NHSL2: variants seen among roughly 807,000 people sequenced by gnomAD.
NHSL2 encodes NHS like 2.
A neutral mutation model predicts 53.4 loss-of-function variants in NHSL2; 27 were observed. That is an observed-to-expected ratio of 0.51 (90% confidence interval 0.37 to 0.70). The LOEUF (loss-of-function observed/expected upper bound fraction) is 0.70, where lower values mean the gene tolerates loss of function less well. Among genes scored for constraint, NHSL2 ranks in the 30% least tolerant of loss-of-function variants. The pLI is 0.00. For synonymous variants in NHSL2, 408 were observed against 404.1 expected (o/e 1.01, Z -0.12); for missense variants, 892 against 980.1 (o/e 0.91, Z 1.20).
rs890655871 is a variant in NHSL2, at chrX:71,918,330, C to T, written c.280+6963C>T. 2.8e-5 allele frequency among the ~76,000 whole-genome samples: 3 copies of T among 108,519 alleles called. No homozygotes were observed. In the Admixed American group the frequency reaches 3.0e-4, roughly 11 times the overall value. 94.2% of individuals were successfully genotyped at this position (108,519 alleles called of 115,157 possible). ...CTGAATAGCATAGATTCTTCAGAATCGTCTGTAATTCATCAAGGGGAAAAT... is the reference window on the plus strand; with the variant it reads ...CTGAATAGCATAGATTCTTCAGAATTGTCTGTAATTCATCAAGGGGAAAAT... On this transcript the variant is annotated intron_variant, in intron 1 of 7. Transcript: ENST00000633930.
intron 1 of NHSL2, among the ~76,000 whole-genome samples, chrX:71,954,909 A>T (rs1242147732): frequency 8.9e-6 from 1 of 111,975 alleles, no homozygotes; most frequent in Non-Finnish European, 1.9e-5. Flanking sequence ...ACTGATCTTA[A>T]CCCTATTCCC....
At chrX:72,132,333 A>G in intron 2 of NHSL2, 99 bp downstream of exon 2, 1 of 792,661 alleles carries the variant, frequency 1.3e-6, no homozygotes, top group South Asian at 2.8e-5. Context: ...CAGCAAGATA[A>G]AGACAGAGAG....
At chrX:72,026,832 C>T (rs2042188526) in intron 1 of NHSL2, among the ~76,000 whole-genome samples, 1 of 112,120 alleles carries the variant, frequency 8.9e-6, no homozygotes, top group Admixed American at 9.4e-5. Context: ...CACCATCACC[C>T]AACCCAGCAG....
chrX:72,007,391 G>A lies in NHSL2; in HGVS notation c.280+96024G>A, dbSNP rs12557649. Among the ~76,000 whole-genome samples the A allele has an allele frequency of 3.6e-5, 4 of 112,636 alleles. No individual in the cohort carries two copies. In the Admixed American group the frequency reaches 3.7e-4, roughly 11 times the overall value. On this transcript the variant is annotated intron_variant, in intron 1 of 7. Transcript: ENST00000633930. The stretch of plus-strand genomic sequence containing the variant: ...TGTGCATGGAACCATGTCCTGCTGG[G>A]ATCAAATGGCAGCTACCCGGGGATG...
At chrX:71,961,728 C>T (rs189187043) in intron 1 of NHSL2, among the ~76,000 whole-genome samples, 17 of 111,482 alleles carry the variant, frequency 1.5e-4, no homozygotes, top group East Asian at 1.1e-3. Flanking sequence ...TGCGGTGCCA[C>T]GATGATCTCA....
chrX:72,045,553 A>T (rs2042300971), intron 1 of NHSL2, among the ~76,000 whole-genome samples: 2 of 111,611 alleles, frequency 1.8e-5, no homozygotes, highest in Admixed American at 1.9e-4. Flanking sequence ...GCTCAGAGGC[A>T]TCACCCAGGG....
At chrX:72,018,777 C>A (rs1352986750) in intron 1 of NHSL2, among the ~76,000 whole-genome samples, 1 of 112,772 alleles carries the variant, frequency 8.9e-6, no homozygotes, top group Non-Finnish European at 1.9e-5. Flanking sequence ...CGCTGCAGTG[C>A]GGCTGCGGGG....
intron 1 of NHSL2, among the ~76,000 whole-genome samples, chrX:71,957,519 G>A (rs1033878850): frequency 8.9e-6 from 1 of 111,889 alleles, no homozygotes; most frequent in Non-Finnish European, 1.9e-5. Context: ...GCCTGACTTG[G>A]CCTCCCAAAG....
intron 1 of NHSL2, among the ~76,000 whole-genome samples, chrX:72,105,476 C>T: frequency 8.9e-6 from 1 of 111,772 alleles, no homozygotes; most frequent in Non-Finnish European, 1.9e-5. Context: ...CAGTCTTTCC[C>T]CCAACCTCTC....
At position 71,911,205 on chromosome X, in the gene NHSL2, C is replaced by T. The variant is rs1333371210; in HGVS notation, c.118C>T (p.Leu40Phe). 2 of 1,146,758 alleles carry T rather than the reference C, an allele frequency of 1.7e-6. No individual in the cohort carries two copies. Among genetic ancestry groups the T allele is most frequent in the Non-Finnish European group, 2.3e-6 (2 of 868,409 alleles). The allele number at this position is 1,146,758 out of a possible 1,213,427, so 94.5% of individuals were successfully genotyped here. ...HLAALSLLRQ[L>F]ADLCGHSLAL... is the part of the protein sequence containing the mutation. ...GGCAGCGCTCAGCCTGCTCCGGCAG[C>T]TCGCCGACCTCTGTGGCCACTCGTT... Residue 40 changes from leucine to phenylalanine, a missense_variant, in exon 1 of 8, where the codon CTC (leucine) becomes TTC (phenylalanine). Leu to Phe is a conservative substitution (Grantham distance 22, BLOSUM62 0). Transcript: ENST00000633930.
chrX:72,009,201 C>T (rs1254356581), intron 1 of NHSL2, among the ~76,000 whole-genome samples: 3 of 112,933 alleles, frequency 2.7e-5, no homozygotes, highest in African/African-American at 9.6e-5. Flanking sequence ...AACTGGGAAA[C>T]GGTTGCTGTG....
At chrX:71,985,844 T>C (rs2042000749) in intron 1 of NHSL2, among the ~76,000 whole-genome samples, 1 of 111,834 alleles carries the variant, frequency 8.9e-6, no homozygotes, top group African/African-American at 3.2e-5. Flanking sequence ...GAAACCTGCA[T>C]TCAAGAACAC....
chrX:72,130,550 G>A, intron 1 of NHSL2: 1 of 1,211,157 alleles, frequency 8.3e-7, no homozygotes, highest in Non-Finnish European at 1.1e-6. Context: ...TTGGGACTCG[G>A]AGCAAAAGGG....
intron 1 of NHSL2, among the ~76,000 whole-genome samples, chrX:72,023,195 G>A (rs1446724648): frequency 8.9e-6 from 1 of 112,804 alleles, no homozygotes; most frequent in African/African-American, 3.2e-5. Context: ...GTAAATTCAA[G>A]GCAACAGGGA....
chrX:72,015,291 G>C (rs1307646458), intron 1 of NHSL2, among the ~76,000 whole-genome samples: 1 of 111,590 alleles, frequency 9.0e-6, no homozygotes, highest in Non-Finnish European at 1.9e-5. Flanking sequence ...GGGAGGACCA[G>C]GGAAAAGTAT....
At chrX:72,086,548 G>C (rs1409051375) in intron 1 of NHSL2, among the ~76,000 whole-genome samples, 2 of 110,301 alleles carry the variant, frequency 1.8e-5, no homozygotes, top group Non-Finnish European at 3.8e-5. Context: ...GCTGGGTGTG[G>C]TGGCAGGTGC....
intron 1 of NHSL2, chrX:72,044,572 C>T (rs1047213746): frequency 1.0e-5 from 10 of 963,399 alleles, no homozygotes; most frequent in Non-Finnish European, 1.5e-5. Flanking sequence ...GAACAACAGT[C>T]ATGCCAAAAA....
intron 7 of NHSL2, 99 bp from the exon 8 acceptor site, chrX:72,143,154 G>A: frequency 1.7e-6 from 1 of 580,215 alleles, no homozygotes; most frequent in Non-Finnish European, 2.7e-6. Context: ...GCTGCTTGCA[G>A]GGCTGCCGCC....
intron 1 of NHSL2, among the ~76,000 whole-genome samples, chrX:72,073,338 T>G (rs1438117071): frequency 9.0e-6 from 1 of 111,359 alleles, no homozygotes; most frequent in Non-Finnish European, 1.9e-5. Flanking sequence ...GCTTTAAGAC[T>G]GGAAAGCCTT....
Sources: gnomAD v4.1 joint callset for allele counts (sites outside exome capture counted in the v4.1 genomes callset) on GRCh38, gnomAD v4.1.1 for gene constraint, MANE v1.5 for transcripts, NCBI Gene and HGNC (gene_info 2026-07-23, HGNC 2026-07-21) for gene names.